CNOT2: variants seen among roughly 807,000 people sequenced by gnomAD.
CNOT2 encodes the protein CCR4-NOT transcription complex subunit 2, also known as CC chemokine receptor 4-negative regulator of transcription 2.
A neutral mutation model predicts 72.1 loss-of-function variants in CNOT2; 7 were observed. That is an observed-to-expected ratio of 0.10 (90% confidence interval 0.06 to 0.18). The LOEUF is 0.18. CNOT2 is among the 10% of genes least tolerant of loss of function. The pLI is 1.00. For synonymous variants in CNOT2, 196 were observed against 225.6 expected (o/e 0.87, Z 1.17); for missense variants, 345 against 660.3 (o/e 0.52, Z 5.23).
At chr12:70,299,090 G>A (rs1184724220) in intron 2 of CNOT2, among the ~76,000 whole-genome samples, 1 of 151,998 alleles carries the variant, frequency 6.6e-6, no homozygotes, top group Non-Finnish European at 1.5e-5. Flanking sequence ...TCACATGGCT[G>A]GGGAGGTCTC....
intron 11 of CNOT2, among the ~76,000 whole-genome samples, chr12:70,339,159 G>T (rs1881155708): frequency 2.0e-5 from 3 of 151,166 alleles, no homozygotes. Flanking sequence ...CTTTCCTCCA[G>T]GAATTTTTGT....
At chr12:70,348,732 A>G (rs990214520) in intron 15 of CNOT2, among the ~76,000 whole-genome samples, 8 of 152,148 alleles carry the variant, frequency 5.3e-5, no homozygotes, top group South Asian at 2.1e-4. Context: ...TTAAATATTT[A>G]GAAAACAATG....
At chr12:70,324,641 C>T (rs1214186658) in intron 4 of CNOT2, among the ~76,000 whole-genome samples, 1 of 151,788 alleles carries the variant, frequency 6.6e-6, no homozygotes, top group Non-Finnish European at 1.5e-5. Context: ...GATTCTGTGG[C>T]ACTCCTCTAA....
intron 2 of CNOT2, among the ~76,000 whole-genome samples, chr12:70,292,823 T>C (rs1189395079): frequency 6.6e-6 from 1 of 152,252 alleles, no homozygotes; most frequent in Non-Finnish European, 1.5e-5. Context: ...TAGTAGATGC[T>C]AACTCAGTGA....
At chr12:70,312,324 G>A (rs1228103448) in intron 3 of CNOT2, among the ~76,000 whole-genome samples, 1 of 151,860 alleles carries the variant, frequency 6.6e-6, no homozygotes, top group Non-Finnish European at 1.5e-5. Context: ...CAATTTGTGT[G>A]TATTGCTGTG....
intron 1 of CNOT2, among the ~76,000 whole-genome samples, chr12:70,262,423 G>A (rs761397126): frequency 2.0e-5 from 3 of 152,016 alleles, no homozygotes; most frequent in Non-Finnish European, 4.4e-5. Context: ...ACAGGCGCCC[G>A]CCACTACACC....
chr12:70,265,196 A>G (rs1229006854), intron 1 of CNOT2, among the ~76,000 whole-genome samples: 1 of 152,024 alleles, frequency 6.6e-6, no homozygotes, highest in Non-Finnish European at 1.5e-5. Context: ...AAAACATGTC[A>G]AGTTGGTATT....
chr12:70,342,332 C>T (rs767270536), intron 13 of CNOT2, 25 bp downstream of exon 13: 4 of 1,610,150 alleles, frequency 2.5e-6, no homozygotes, highest in Admixed American at 3.4e-5. Flanking sequence ...TTATTCTACT[C>T]AGTCAGCATG....
intron 1 of CNOT2, among the ~76,000 whole-genome samples, chr12:70,246,525 C>G (rs1957881326): frequency 6.6e-6 from 1 of 152,064 alleles, no homozygotes; most frequent in Non-Finnish European, 1.5e-5. Context: ...AGATCTAGTG[C>G]TATGGTAGAA....
chr12:70,243,990 C>T (rs1957729940), intron 1 of CNOT2: 1 of 152,286 alleles, frequency 6.6e-6, no homozygotes, highest in Admixed American at 6.5e-5. Flanking sequence ...CTGTCTGTGG[C>T]TTCTTACCTT....
intron 2 of CNOT2, 134 bp from the exon 3 acceptor site, chr12:70,310,761 G>A (rs183736316): frequency 1.5e-5 from 9 of 606,512 alleles, no homozygotes; most frequent in South Asian, 1.1e-4. Flanking sequence ...TATCACATGC[G>A]CCACTAGCCA....
chr12:70,254,887 A>G (rs541132718), intron 1 of CNOT2, among the ~76,000 whole-genome samples: 25 of 151,344 alleles, frequency 1.7e-4, no homozygotes, highest in African/African-American at 5.6e-4. Flanking sequence ...AGGCTGTGGC[A>G]GGAGAATCGC....
intron 1 of CNOT2, among the ~76,000 whole-genome samples, chr12:70,262,483 G>T (rs1381189116): frequency 1.3e-5 from 2 of 152,102 alleles, no homozygotes; most frequent in Non-Finnish European, 2.9e-5. Flanking sequence ...CACCGTGTTA[G>T]CCACGATGGT....
At chr12:70,251,064 T>A (rs2135701197) in intron 1 of CNOT2, among the ~76,000 whole-genome samples, 1 of 152,038 alleles carries the variant, frequency 6.6e-6, no homozygotes, top group Admixed American at 6.5e-5. Context: ...AACTGAAAAC[T>A]TTCCTTAATT....
At chr12:70,259,584 G>T (rs555579562) in intron 1 of CNOT2, among the ~76,000 whole-genome samples, 2 of 152,180 alleles carry the variant, frequency 1.3e-5, no homozygotes, top group African/African-American at 4.8e-5. Context: ...TTTTTCTAGA[G>T]ATTCGAACAA....
chr12:70,342,394 A>G, intron 13 of CNOT2, 87 bp downstream of exon 13: 5 of 1,447,060 alleles, frequency 3.5e-6, no homozygotes, highest in Non-Finnish European at 1.9e-6. Flanking sequence ...ACTATTTTTG[A>G]AATAATTAGT....
chr12:70,330,608 T>C (rs1269373864), intron 6 of CNOT2, 139 bp downstream of exon 6: 1 of 502,112 alleles, frequency 2.0e-6, no homozygotes, highest in East Asian at 3.3e-5. Flanking sequence ...CCAAAGATTC[T>C]GTTACCCATC....
intron 1 of CNOT2, among the ~76,000 whole-genome samples, chr12:70,245,184 T>A (rs1371712084): frequency 6.6e-6 from 1 of 152,214 alleles, no homozygotes; most frequent in African/African-American, 2.4e-5. Context: ...CCAAGATAAT[T>A]AGTAAGCTCT....
At chr12:70,321,006 A>G (rs187546633) in intron 4 of CNOT2, among the ~76,000 whole-genome samples, 95 of 152,000 alleles carry the variant, frequency 6.3e-4, no homozygotes, top group African/African-American at 2.1e-3. Context: ...ACATACAAAG[A>G]TTAATACATG....
Sources: allele counts gnomAD v4.1 joint callset (sites outside exome capture counted in the v4.1 genomes callset), GRCh38; gene constraint gnomAD v4.1.1; transcripts MANE v1.5; gene names NCBI Gene and HGNC (gene_info 2026-07-23, HGNC 2026-07-21).